GPC2: variants seen among roughly 807,000 people sequenced by gnomAD.
GPC2 encodes the protein glypican-2.
In GPC2, 42 loss-of-function variants were observed where a neutral mutation model predicts 57.3. The ratio of observed to expected loss-of-function variants is 0.73; its 90% confidence interval spans 0.57 to 0.95. The LOEUF (loss-of-function observed/expected upper bound fraction) is 0.95, where lower values mean the gene tolerates loss of function less well. Among genes scored for constraint, GPC2 ranks in the 40% least tolerant of loss-of-function variants. The pLI is 0.00. For missense variants in GPC2, 745 were observed against 793.6 expected, an observed-to-expected ratio of 0.94 and a Z score of 0.74; for synonymous variants, 364 against 343.4, an observed-to-expected ratio of 1.06 and a Z score of -0.66.
At position 100,171,814 on chromosome 7, in the gene GPC2, G is replaced by A; in HGVS notation, c.1135C>T (p.Pro379Ser). The change falls in exon 7 of 10, where the codon CCC becomes TCC. Residue 379 changes from proline (P) to serine (S), a missense_variant. Physicochemically the swap from Pro to Ser is moderately conservative, Grantham distance 74. Transcript: ENST00000292377. This position sits in a 1 kb window ranked among gnomAD's most constrained non-coding sequence, Gnocchi z 4.8. ...AGGTTGGTGCCTGCGGCCGTCGTGG[G>A]CCGCTCCTCCTCGGTCACCATCGAC... is the stretch of plus-strand genomic sequence containing the variant. ...LWSMVTEEER[P>S]TTAAGTNLHR... 1.3e-6 allele frequency: 2 copies of A among 1,575,118 alleles called. No homozygotes were observed. The highest frequency in any genetic ancestry group is 1.4e-5 in the African/African-American group (1 of 73,964).
Position 100,171,540 on chromosome 7 carries a change from G to T in GPC2, c.1309C>A (p.Arg437=), listed in dbSNP as rs2116981894. The T allele has an allele frequency of 8.4e-6, 12 of 1,434,024 alleles. No individual in the cohort carries two copies. Among genetic ancestry groups the T allele is most frequent in the African/African-American group, 1.5e-5 (1 of 67,354 alleles). The allele number at this position is 1,434,024 out of a possible 1,614,324, so 88.8% of individuals were successfully genotyped here. ...APCWTGAGRG[R]YLPPVVGGSP... is the part of the protein sequence containing the mutation. ...CCCCCCGACGCCCCCGAGGCTCACC[G>T]GCCCCGCCCGGCTCCGGTCCAGCAG... Residue 437 remains arginine, a splice_region_variant and synonymous_variant, in exon 8 of 10, where the codon CGG becomes AGG. Coordinates refer to ENST00000292377, the MANE Select transcript of GPC2 (RefSeq NM_152742.3). This position sits in a 1 kb window ranked among gnomAD's most constrained non-coding sequence, Gnocchi z 4.8.
chr7:100,174,210 T>G, intron 4 of GPC2: 1 of 519,198 alleles, frequency 1.9e-6, no homozygotes, highest in Non-Finnish European at 3.4e-6. Context: ...GAGAGGCAGT[T>G]AGGGGTGGAG....
chr7:100,173,309 C>T (rs1481746383), intron 5 of GPC2: 1 of 152,218 alleles, frequency 6.6e-6, no homozygotes, highest in Non-Finnish European at 1.5e-5. Flanking sequence ...ACTCTCTCGC[C>T]CAGGTTGGAG....
rs994433324 is a variant in GPC2 at position 100,176,136 on chromosome 7, C to A, written c.325+71G>T. 8 of 1,420,282 alleles carry A rather than the reference C, an allele frequency of 5.6e-6. No homozygotes were observed. In the Admixed American group the frequency reaches 1.3e-4, roughly 23 times the overall value. The allele number at this position is 1,420,282 out of a possible 1,614,324, so 88.0% of individuals were successfully genotyped here. ...TCACAGATGGAGTAAGGAGTGGGGA[C>A]AGGAGCCTTGCTGGGGTCCTAAGCA... On this transcript the variant is annotated intron_variant, in intron 2 of 9. Transcript: ENST00000292377.
rs373173951 is a variant in GPC2 at position 100,170,309 on chromosome 7, C to G, written c.1661G>C (p.Gly554Ala). 1 of 1,609,358 alleles carries G rather than the reference C, an allele frequency of 6.2e-7. No homozygotes were observed. Among genetic ancestry groups the G allele is most frequent in the African/African-American group, 1.3e-5 (1 of 74,632 alleles). The change falls in exon 10 of 10, where the codon GGG becomes GCG. Residue 554 changes from glycine to alanine, a missense_variant. By Grantham distance (60) the Gly-to-Ala change is moderately conservative (BLOSUM62 0). Transcript: ENST00000292377. ...GGTGTGAAAACCAATAGATGCCCCC[C>G]CACTCCTGCTCCGGCCCTGGTTGTA... ...ARYNQGRSRS[G>A]GASIGFHTQT...
At position 100,171,184 on chromosome 7, in the gene GPC2, G is replaced by T; in HGVS notation, c.1486+77C>A. 3.9e-6 allele frequency: 5 copies of T among 1,267,326 alleles called. No homozygotes were observed. Among genetic ancestry groups the T allele is most frequent in the Non-Finnish European group, 5.3e-6 (5 of 942,442 alleles). The allele number at this position is 1,267,326 out of a possible 1,614,324, so 78.5% of individuals were successfully genotyped here. A position where few individuals can be genotyped will look rare whatever the true frequency, so the allele number is the denominator to read the frequency against. On this transcript the variant is annotated intron_variant, in intron 9 of 9. Transcript: ENST00000292377. This position sits in a 1 kb window ranked among gnomAD's most constrained non-coding sequence, Gnocchi z 4.8. ...CAATGAACGCTAAGAGCAGAGGCAC[G>T]GGCGGGAACTACCAGGAGAGGGGAG...
At position 100,172,121 on chromosome 7, in the gene GPC2, T is replaced by A. The variant is rs769496591; in HGVS notation, c.989A>T (p.Tyr330Phe). Residue 330 changes from tyrosine (Y) to phenylalanine (F), a missense_variant, in exon 6 of 10, where the codon TAC becomes TTC. Coordinates refer to ENST00000292377, the MANE Select transcript of GPC2 (RefSeq NM_152742.3). ...IGVKISEGLM[Y>F]LQENSAKVSA... ...CACCTTCGCACTGTTTTCCTGCAGG[T>A]ACATCAAACCCTCCGAGATCTTCAC... 2.6e-5 allele frequency: 40 copies of A among 1,544,578 alleles called. No individual in the cohort carries two copies. The highest frequency in any genetic ancestry group is 3.4e-5 in the Non-Finnish European group (39 of 1,146,990).
intron 4 of GPC2, chr7:100,174,245 C>T: frequency 1.9e-6 from 1 of 524,264 alleles, no homozygotes; most frequent in Non-Finnish European, 3.4e-6. Context: ...CAAGAGTGAG[C>T]CCATCACAGC....
rs908627694 is a variant in GPC2 at position 100,174,054 on chromosome 7, G to C, written c.730-57C>G. 4.2e-6 allele frequency: 6 copies of C among 1,425,964 alleles called. No homozygotes were observed. In the African/African-American group the frequency reaches 8.8e-5, roughly 21 times the overall value. 88.3% of individuals were successfully genotyped at this position (1,425,964 alleles called of 1,614,324 possible). A position where few individuals can be genotyped will look rare whatever the true frequency, so the allele number is the denominator to read the frequency against. On this transcript the variant is annotated intron_variant, in intron 4 of 9. Coordinates refer to ENST00000292377, the MANE Select transcript of GPC2 (RefSeq NM_152742.3). Reference sequence around the variant, plus strand: ...CAAACGCTGTGGCTGCTCTCAGCCTGGCTTGGTGCTGGGCACAGACAGAAA... The same window carrying C: ...CAAACGCTGTGGCTGCTCTCAGCCTCGCTTGGTGCTGGGCACAGACAGAAA...
chr7:100,173,794 A>C, intron 5 of GPC2, 41 bp downstream of exon 5: 1 of 1,471,872 alleles, frequency 6.8e-7, no homozygotes, highest in Non-Finnish European at 9.1e-7. Flanking sequence ...TACAGGTGTG[A>C]GCCACCATGC....
rs868634118 is a variant in GPC2, at chr7:100,177,157, A to G, written c.43T>C (p.Cys15Arg). Residue 15 changes from cysteine (C) to arginine (R), a missense_variant, in exon 1 of 10, where the codon TGT (cysteine) becomes CGT (arginine). This residue lies in a region of GPC2 where 138 missense variants were observed against 189.8 expected (regional missense o/e 0.73). Transcript: ENST00000292377. ...RPLLLLLLPL[C>R]PGPGPGPGSE... is the part of the protein sequence containing the mutation. ...CCGGGTCCGGGACCAGGACCGGGAC[A>G]CAGAGGCAGCAGCAGAAGCAGGAGA... 12 of 1,613,904 alleles carry G rather than the reference A, an allele frequency of 7.4e-6. No homozygotes were observed. The highest frequency in any genetic ancestry group is 1.0e-5 in the Non-Finnish European group (12 of 1,179,922).
chr7:100,172,653 G>A, intron 5 of GPC2, among the ~76,000 whole-genome samples: 1 of 141,876 alleles, frequency 7.0e-6, no homozygotes, highest in Admixed American at 7.1e-5. Context: ...ATATATATGT[G>A]TGTGTGTATA....
rs1232625006 is a variant in GPC2, at chr7:100,176,353, C to T, written c.179G>A (p.Arg60Gln). ...GCAGGTGTACTCCTGGGGACAGACCCGGAGGTGCTCACCTGGACAGAGGAG... is the reference window on the plus strand; with the variant it reads ...GCAGGTGTACTCCTGGGGACAGACCTGGAGGTGCTCACCTGGACAGAGGAG... ...PPALISGEHLRVCPQEYTCCS... is the reference protein window; with the variant it reads ...PPALISGEHLQVCPQEYTCCS... Residue 60 changes from arginine to glutamine, a missense_variant, in exon 2 of 10, where the codon CGG (arginine) becomes CAG (glutamine). Around this residue, in one of 2 missense-constraint regions of GPC2, gnomAD observed 138 missense variants for 189.8 expected, o/e 0.73. Coordinates refer to ENST00000292377, the MANE Select transcript of GPC2 (RefSeq NM_152742.3). The T allele has an allele frequency of 1.2e-5, 19 of 1,613,608 alleles. No individual in the cohort carries two copies. Among genetic ancestry groups the T allele is most frequent in the East Asian group, 2.2e-5 (1 of 44,890 alleles).
intron 3 of GPC2, 123 bp from the exon 4 acceptor site, chr7:100,174,888 C>A: frequency 2.9e-6 from 2 of 682,124 alleles, no homozygotes; most frequent in South Asian, 1.8e-5. Context: ...CAGAGTGGGT[C>A]GAGTGTTGGG....
At chr7:100,172,312 C>T in intron 5 of GPC2, 95 bp from the exon 6 acceptor site, 1 of 1,384,522 alleles carries the variant, frequency 7.2e-7, no homozygotes, top group African/African-American at 1.4e-5. Context: ...AGAGAAGCAG[C>T]AAAGTGTTTG....
At chr7:100,174,528 C>A in intron 4 of GPC2, 157 bp downstream of exon 4, 1 of 703,588 alleles carries the variant, frequency 1.4e-6, no homozygotes, top group Non-Finnish European at 2.6e-6. Context: ...TTCACTCCAG[C>A]CCCCTCCTTC....
In GPC2 at chr7:100,170,303, G is replaced by A. The variant is rs1251317234; in HGVS notation, c.1667C>T (p.Ala556Val). 2.5e-6 allele frequency: 4 copies of A among 1,606,698 alleles called. No homozygotes were observed. In the East Asian group the frequency reaches 9.0e-5, roughly 36 times the overall value. The change falls in exon 10 of 10, where the codon GCA becomes GTA. Residue 556 changes from alanine to valine, a missense_variant. By Grantham distance (64) the Ala-to-Val change is moderately conservative (BLOSUM62 0). Transcript: ENST00000292377. ...GGTTTGGGTGTGAAAACCAATAGATGCCCCCCCACTCCTGCTCCGGCCCTG... is the reference window on the plus strand; with the variant it reads ...GGTTTGGGTGTGAAAACCAATAGATACCCCCCCACTCCTGCTCCGGCCCTG... ...YNQGRSRSGG[A>V]SIGFHTQTIL...
intron 4 of GPC2, chr7:100,174,326 G>A (rs1799233409): frequency 5.8e-6 from 3 of 521,426 alleles, no homozygotes; most frequent in African/African-American, 1.9e-5. Flanking sequence ...GGCAGTGAGA[G>A]AGGCCAAGCC....
intron 6 of GPC2, 80 bp downstream of exon 6, chr7:100,172,007 C>T (rs1341330106): frequency 6.3e-7 from 1 of 1,581,540 alleles, no homozygotes; most frequent in Non-Finnish European, 8.6e-7. Context: ...AGAGTCTCTT[C>T]CCAGATCCCC....
Sources: gnomAD v4.1 joint callset for allele counts (sites outside exome capture counted in the v4.1 genomes callset) on GRCh38, gnomAD v4.1.1 for gene constraint, gnomAD v4.1.1 regional missense constraint, Gnocchi (gnomAD v3.1) non-coding constraint, MANE v1.5 for transcripts, NCBI Gene and HGNC (gene_info 2026-07-23, HGNC 2026-07-21) for gene names.